NRIP3: variants seen among roughly 807,000 people sequenced by gnomAD.
NRIP3 encodes nuclear receptor interacting protein 3, also known as nuclear receptor-interacting protein 3.
Under a neutral mutation model 29.0 loss-of-function variants are expected in NRIP3, and 31 were observed. That is an observed-to-expected ratio of 1.07 (90% CI 0.80 to 1.44). The LOEUF is 1.44. Among genes scored for constraint, NRIP3 ranks in the 40% most tolerant of loss-of-function variants. The pLI is 0.00. For missense variants in NRIP3, 314 were observed against 297.9 expected, an observed-to-expected ratio of 1.05 and a Z score of -0.40; for synonymous variants, 131 against 118.3, an observed-to-expected ratio of 1.11 and a Z score of -0.70.
Position 8,983,527 on chromosome 11 carries a change from ACATGCTGCAGG to A in NRIP3, c.*7_*17del, listed in dbSNP as rs763456132. ...GGTGTGTATGCATGCACACGTGCAG[ACATGCTGCAGG>A]CTGTAGTTATGCTTCTGAAGTGCTG... On this transcript the variant is annotated 3_prime_UTR_variant, in exon 7 of 7. Coordinates refer to ENST00000309166, the MANE Select transcript of NRIP3 (RefSeq NM_020645.3). 10 of 1,613,086 alleles carry A rather than the reference ACATGCTGCAGG, an allele frequency of 6.2e-6. No homozygotes were observed. The highest frequency in any genetic ancestry group is 8.5e-6 in the Non-Finnish European group (10 of 1,179,140).
chr11:9,000,924 A>G (rs757127896), intron 1 of NRIP3, among the ~76,000 whole-genome samples: 3 of 151,994 alleles, frequency 2.0e-5, no homozygotes, highest in Admixed American at 6.6e-5. Context: ...CAAAAGTTAG[A>G]TTGGTGTTGT....
In NRIP3 at chr11:9,003,857, G is replaced by C; in HGVS notation, c.79C>G (p.Arg27Gly). 6.6e-7 allele frequency: 1 copy of C among 1,521,178 alleles called. No homozygotes were observed. The highest frequency in any genetic ancestry group is 8.8e-7 in the Non-Finnish European group (1 of 1,135,804). 94.2% of individuals were successfully genotyped at this position (1,521,178 alleles called of 1,614,324 possible). ...MREAASLRQQ[R>G]RMKQAVQFIH... ...AACTGCACCGCCTGCTTCATCCGGC[G>C]CTGCTGTCGCAGTGACGCCGCCTCC... Residue 27 changes from arginine to glycine, a missense_variant, in exon 1 of 7, where the codon CGC becomes GGC. Coordinates refer to ENST00000309166, the MANE Select transcript of NRIP3 (RefSeq NM_020645.3).
intron 1 of NRIP3, among the ~76,000 whole-genome samples, chr11:8,993,555 TC>T (rs1231254594): frequency 6.6e-6 from 1 of 152,108 alleles, no homozygotes; most frequent in Admixed American, 6.6e-5. Flanking sequence ...ACACCTGTAA[TC>T]CCAGCACTTT....
upstream of NRIP3, chr11:9,004,143 C>CCGCGTCCCGCGTCCCGCGTCT: frequency 2.5e-6 from 1 of 406,166 alleles, no homozygotes; most frequent in Non-Finnish European, 4.2e-6. Flanking sequence ...GTCCCGCGTC[C>CCGCGTCCCGCGTCCCGCGTCT]CCTGCTCACC....
intron 4 of NRIP3, 57 bp from the exon 5 acceptor site, chr11:8,984,181 T>A: frequency 8.4e-7 from 1 of 1,186,486 alleles, no homozygotes. Context: ...GCTTAGAAGT[T>A]GGCCTAATCA....
At chr11:8,992,367 T>G (rs1391773514) in intron 1 of NRIP3, among the ~76,000 whole-genome samples, 1 of 152,122 alleles carries the variant, frequency 6.6e-6, no homozygotes, top group African/African-American at 2.4e-5. Context: ...TGGGTTATCA[T>G]ACTAAGCCAG....
chr11:8,983,596 C>A, intron 6 of NRIP3, 36 bp from the exon 7 acceptor site: 2 of 1,603,660 alleles, frequency 1.2e-6, no homozygotes, highest in South Asian at 1.1e-5. Context: ...GAAATAATGC[C>A]AAATTCAAAA....
At chr11:8,999,064 A>G (rs1053322631) in intron 1 of NRIP3, among the ~76,000 whole-genome samples, 2 of 151,980 alleles carry the variant, frequency 1.3e-5, no homozygotes, top group African/African-American at 4.8e-5. Flanking sequence ...CGGCCTCCCA[A>G]ACTGCTGGGA....
chr11:8,987,363 T>C (rs2134911128), intron 3 of NRIP3, among the ~76,000 whole-genome samples, 185 bp downstream of exon 3: 1 of 152,276 alleles, frequency 6.6e-6, no homozygotes, highest in Non-Finnish European at 1.5e-5. Flanking sequence ...CACTGATTTC[T>C]CCCACTTGCC....
intron 4 of NRIP3, 128 bp from the exon 5 acceptor site, chr11:8,984,252 TTTTTTTTTTA>T (rs1402197105): frequency 7.7e-4 from 249 of 324,858 alleles, no homozygotes; most frequent in East Asian, 6.6e-3. Context: ...GCATGTGTTA[TTTTTTTTTTA>T]TTTTTTTTTT....
Position 8,998,374 on chromosome 11 carries a change from G to A in NRIP3, c.174+5388C>T, listed in dbSNP as rs547667169. 2.2e-4 allele frequency among the ~76,000 whole-genome samples: 33 copies of A among 152,272 alleles called. 1 individual carries two copies. The South Asian group carries it at 6.6e-3, about 31-fold the overall frequency. ...ATTCCTCATTATTATCTGTTTTGTG[G>A]ATTAGTCTGAGATAATGGTTTCTCA... On this transcript the variant is annotated intron_variant, in intron 1 of 6. Coordinates refer to ENST00000309166, the MANE Select transcript of NRIP3 (RefSeq NM_020645.3).
At position 9,003,890 on chromosome 11, in the gene NRIP3, C is replaced by T; in HGVS notation, c.46G>A (p.Asp16Asn). The change falls in exon 1 of 7, where the codon GAC (aspartate) becomes AAC (asparagine). Residue 16 changes from aspartate (D) to asparagine (N), a missense_variant. Asp to Asn is a conservative substitution (Grantham distance 23, BLOSUM62 1). Transcript: ENST00000309166. ...LLTEGGRKET[D>N]MREAASLRQQ... ...CGCAGTGACGCCGCCTCCCGCATGT[C>T]GGTCTCCTTGCGGCCGCCCTCAGTG... 1 of 1,523,478 alleles carries T rather than the reference C, an allele frequency of 6.6e-7. No homozygotes were observed. The highest frequency in any genetic ancestry group is 8.8e-7 in the Non-Finnish European group (1 of 1,136,832). The allele number at this position is 1,523,478 out of a possible 1,614,324, so 94.4% of individuals were successfully genotyped here.
chr11:8,992,563 T>A (rs1421456356), intron 1 of NRIP3, among the ~76,000 whole-genome samples: 2 of 152,122 alleles, frequency 1.3e-5, no homozygotes, highest in African/African-American at 4.8e-5. Context: ...ATCAGAATAG[T>A]AGAGGACTAT....
chr11:9,001,833 T>C (rs1854805549), intron 1 of NRIP3, among the ~76,000 whole-genome samples: 1 of 144,520 alleles, frequency 6.9e-6, no homozygotes, highest in African/African-American at 2.9e-5. Context: ...TTGTACATTA[T>C]AGGTGTGAAA....
intron 1 of NRIP3, among the ~76,000 whole-genome samples, chr11:8,998,589 C>G (rs1211390067): frequency 6.6e-6 from 1 of 152,140 alleles, no homozygotes; most frequent in Non-Finnish European, 1.5e-5. Context: ...ATGCCAGTCT[C>G]CATCCTTATC....
Position 8,988,219 on chromosome 11 carries a change from G to C in NRIP3, c.238C>G (p.Pro80Ala). ...GTCTTAGAGGCCCAAGGGACACGGG[G>C]ACCGCTTCGGAGCTTAGACAGGTTG... The part of the protein sequence containing the change: ...ETNLSKLRSG[P>A]RVPWASKTNK... The change falls in exon 2 of 7, where the codon CCC (proline) becomes GCC (alanine). Residue 80 changes from proline (P) to alanine (A), a missense_variant. Physicochemically the swap from Pro to Ala is conservative, Grantham distance 27. Transcript: ENST00000309166. 1 of 1,614,152 alleles carries C rather than the reference G, an allele frequency of 6.2e-7. No homozygotes were observed. The highest frequency in any genetic ancestry group is 8.5e-7 in the Non-Finnish European group (1 of 1,179,980).
chr11:8,983,446 C>T lies in NRIP3; in HGVS notation c.*99G>A. 8.9e-7 allele frequency: 1 copy of T among 1,128,044 alleles called. No homozygotes were observed. Among genetic ancestry groups the T allele is most frequent in the Non-Finnish European group, 1.3e-6 (1 of 766,800 alleles). 69.9% of individuals were successfully genotyped at this position (1,128,044 alleles called of 1,614,324 possible). A position where few individuals can be genotyped will look rare whatever the true frequency, so the allele number is the denominator to read the frequency against. ...TTCTATTAGATGGAAGGACTTGGTC[C>T]ACAGCAAGTCACTACGGCATTTGGT... is the stretch of plus-strand genomic sequence containing the variant. On this transcript the variant is annotated 3_prime_UTR_variant, in exon 7 of 7. Coordinates refer to ENST00000309166, the MANE Select transcript of NRIP3 (RefSeq NM_020645.3).
chr11:8,996,937 G>A (rs1450098119), intron 1 of NRIP3, among the ~76,000 whole-genome samples: 1 of 152,006 alleles, frequency 6.6e-6, no homozygotes, highest in African/African-American at 2.4e-5. Context: ...AAATTAGCTG[G>A]GCATGATGGC....
At chr11:9,001,741 G>A (rs541380226) in intron 1 of NRIP3, among the ~76,000 whole-genome samples, 1 of 144,646 alleles carries the variant, frequency 6.9e-6, no homozygotes, top group East Asian at 1.9e-4. Flanking sequence ...TAAGCATGCT[G>A]CCTCACCCCA....
Sources: allele counts gnomAD v4.1 joint callset (sites outside exome capture counted in the v4.1 genomes callset), GRCh38; gene constraint gnomAD v4.1.1; transcripts MANE v1.5; gene names NCBI Gene and HGNC (gene_info 2026-07-23, HGNC 2026-07-21).